EVL: variants seen among roughly 807,000 people sequenced by gnomAD.
The protein encoded by EVL is ena/VASP-like protein.
In EVL, 21 loss-of-function variants were observed where a neutral mutation model predicts 59.6. That is an observed-to-expected ratio of 0.35 (90% CI 0.25 to 0.51). EVL has a LOEUF of 0.51. EVL is among the 20% of genes least tolerant of loss of function. The pLI, the probability that EVL is intolerant of heterozygous loss-of-function variation, is 0.97. For missense variants in EVL, 462 were observed against 546.6 expected, an observed-to-expected ratio of 0.85 and a Z score of 1.54; for synonymous variants, 198 against 203.5, an observed-to-expected ratio of 0.97 and a Z score of 0.23.
At chr14:100,124,005 T>C (rs1366670205) in intron 4 of EVL, among the ~76,000 whole-genome samples, 1 of 152,068 alleles carries the variant, frequency 6.6e-6, no homozygotes, top group African/African-American at 2.4e-5. Context: ...CTAGGGACCA[T>C]AGGAATGAAC....
intron 1 of EVL, among the ~76,000 whole-genome samples, chr14:100,083,436 A>G (rs1410548335): frequency 1.3e-5 from 2 of 150,810 alleles, no homozygotes. Context: ...CACAATCACA[A>G]TTCCCTCTTT....
Position 100,128,589 on chromosome 14 carries a change from GCCCCCC to G in EVL, c.561_566del (p.Pro190_Pro191del). ...CCGTCTCATGTAGTGGGCCTCCACC[GCCCCCC>G]CCACCCCCAGTCCCACCTCCACCCA... On this transcript the variant is annotated inframe_deletion, in exon 6 of 14. Coordinates refer to ENST00000392920, the MANE Select transcript of EVL (RefSeq NM_016337.3). The G allele has an allele frequency of 1.2e-6, 1 of 831,692 alleles. No homozygotes were observed. 51.5% of individuals were successfully genotyped at this position (831,692 alleles called of 1,614,324 possible).
intron 1 of EVL, among the ~76,000 whole-genome samples, chr14:100,034,908 T>C (rs2140223771): frequency 6.6e-6 from 1 of 152,296 alleles, no homozygotes; most frequent in Middle Eastern, 3.4e-3. Flanking sequence ...AAAAGTATGA[T>C]TATATATGCA....
intron 1 of EVL, chr14:100,066,472 A>G (rs1190958): frequency 0.77 from 117,264 of 152,160 alleles, 46,176 homozygotes; most frequent in Non-Finnish European, 0.85. Context: ...CTACACAGGC[A>G]CAGAAGCAGC....
intron 11 of EVL, 177 bp downstream of exon 11, chr14:100,137,979 G>A (rs553909793): frequency 1.1e-5 from 7 of 637,006 alleles, no homozygotes; most frequent in East Asian, 8.2e-5. Context: ...CAGCTGCTCC[G>A]TCTTTTCCCT....
Position 99,998,340 on chromosome 14 carries a change from T to C in EVL, c.5+26283T>C, listed in dbSNP as rs141308692. ...CACAACAAAATATTTATTATATGCA[T>C]AGTGGTGTTCCGGGTCTAAGATCTG... is the stretch of plus-strand genomic sequence containing the variant. On this transcript the variant is annotated intron_variant, in intron 1 of 13. Transcript: ENST00000402714. Among the ~76,000 whole-genome samples the C allele has an allele frequency of 3.9e-3, 587 of 152,258 alleles. 3 individuals are homozygous for C. The highest frequency in any genetic ancestry group is 0.014 in the African/African-American group (565 of 41,560).
intron 1 of EVL, among the ~76,000 whole-genome samples, chr14:99,973,276 C>T (rs2060747540): frequency 6.6e-6 from 1 of 152,194 alleles, no homozygotes; most frequent in Admixed American, 6.5e-5. Flanking sequence ...TGTTGCTTCA[C>T]CTCCTTCTCA....
At position 99,976,472 on chromosome 14, in the gene EVL, T is replaced by G. The variant is rs566459311; in HGVS notation, c.5+4415T>G. 9.8e-5 allele frequency among the ~76,000 whole-genome samples: 15 copies of G among 152,324 alleles called. No homozygotes were observed. In the South Asian group the frequency reaches 3.1e-3, roughly 32 times the overall value. On this transcript the variant is annotated intron_variant, in intron 1 of 13. Coordinates refer to the EVL transcript ENST00000402714. ...AAGTCCATGTTCAATTATGGCAATC[T>G]GTTAGTTGTTTCCAGTGTCTGTTTC...
In EVL at chr14:100,141,911, G is replaced by A. The variant is rs998620871; in HGVS notation, c.1219+118G>A. 14 of 724,100 alleles carry A rather than the reference G, an allele frequency of 1.9e-5. No homozygotes were observed. The African/African-American group carries it at 2.5e-4, about 13-fold the overall frequency. 44.9% of individuals were successfully genotyped at this position (724,100 alleles called of 1,614,324 possible). On this transcript the variant is annotated intron_variant, in intron 13 of 13. Coordinates refer to ENST00000392920, the MANE Select transcript of EVL (RefSeq NM_016337.3). Reference sequence around the variant, plus strand: ...TGGAGCCCATACTGCACTGGGCCCTGTGAGAGATTTCATTCTTACCATCTC... The same window carrying A: ...TGGAGCCCATACTGCACTGGGCCCTATGAGAGATTTCATTCTTACCATCTC...
chr14:100,028,114 A>T, intron 1 of EVL, among the ~76,000 whole-genome samples: 1 of 133,666 alleles, frequency 7.5e-6, no homozygotes. Flanking sequence ...TTCTACTTTT[A>T]GTTGTTTTTT....
In EVL at chr14:100,138,157, C is replaced by T. The variant is rs1202719919; in HGVS notation, c.1094+355C>T. Reference sequence around the variant, plus strand: ...CCCCACAAAGTGAGGTCTGTTAACCCCTGCTGCACAGGGTGGTGGTGGGGA... The same window carrying T: ...CCCCACAAAGTGAGGTCTGTTAACCTCTGCTGCACAGGGTGGTGGTGGGGA... On this transcript the variant is annotated intron_variant, in intron 11 of 13. Coordinates refer to ENST00000392920, the MANE Select transcript of EVL (RefSeq NM_016337.3). 5 of 372,980 alleles carry T rather than the reference C, an allele frequency of 1.3e-5. 1 individual carries two copies. The highest frequency in any genetic ancestry group is 8.8e-5 in the South Asian group (3 of 34,102). The allele number at this position is 372,980 out of a possible 1,614,324, so 23.1% of individuals were successfully genotyped here.
At chr14:100,054,770 CTCT>C (rs553909110) in intron 1 of EVL, among the ~76,000 whole-genome samples, 16 of 152,134 alleles carry the variant, frequency 1.1e-4, no homozygotes, top group South Asian at 2.1e-4. Context: ...TGTGCTGTGC[CTCT>C]TATTTTGTGG....
At chr14:100,053,788 A>G (rs1283197697) in intron 1 of EVL, among the ~76,000 whole-genome samples, 2 of 152,164 alleles carry the variant, frequency 1.3e-5, no homozygotes, top group African/African-American at 4.8e-5. Context: ...AGCTGGGACT[A>G]TAGGCACATG....
At chr14:100,078,145 T>C (rs972518162) in intron 1 of EVL, among the ~76,000 whole-genome samples, 2 of 152,230 alleles carry the variant, frequency 1.3e-5, no homozygotes, top group Admixed American at 6.5e-5. Flanking sequence ...ACGTTGGTTT[T>C]AAAATCTGTT....
At chr14:100,033,851 G>A (rs2061348999) in intron 1 of EVL, among the ~76,000 whole-genome samples, 1 of 152,180 alleles carries the variant, frequency 6.6e-6, no homozygotes, top group Non-Finnish European at 1.5e-5. Flanking sequence ...TCTGGAACCT[G>A]TGTTTTGACT....
intron 3 of EVL, chr14:100,107,105 C>T (rs1425122729): frequency 1.3e-5 from 5 of 398,634 alleles, no homozygotes; most frequent in Non-Finnish European, 2.2e-5. Context: ...ATGCCCGGTG[C>T]CTGGTATGTG....
At chr14:100,040,957 A>G (rs924925321) in intron 1 of EVL, among the ~76,000 whole-genome samples, 10 of 152,202 alleles carry the variant, frequency 6.6e-5, no homozygotes, top group African/African-American at 2.4e-5. Flanking sequence ...GAGGCTAAAG[A>G]CACTCCATTT....
At chr14:100,115,502 C>T (rs1887281980) in intron 3 of EVL, among the ~76,000 whole-genome samples, 1 of 152,258 alleles carries the variant, frequency 6.6e-6, no homozygotes, top group South Asian at 2.1e-4. Flanking sequence ...TGGCCCTGGT[C>T]AGTCCCCCAC....
rs2061425672 is a variant in EVL at position 100,038,774 on chromosome 14, GTGTGT to G, written c.6-45912_6-45908del. On this transcript the variant is annotated intron_variant, in intron 1 of 13. Coordinates refer to the EVL transcript ENST00000402714. ...TACCCTGTGTGCTGTGCCCTGGGGT[GTGTGT>G]GTGTGTGTGTGTGTGTGTGTGTGTG... Among the ~76,000 whole-genome samples, 20 of 149,602 alleles carry G rather than the reference GTGTGT, an allele frequency of 1.3e-4. No individual in the cohort carries two copies. The South Asian group carries it at 4.3e-3, about 32-fold the overall frequency.
Sources: gnomAD v4.1 joint callset for allele counts (sites outside exome capture counted in the v4.1 genomes callset) on GRCh38, gnomAD v4.1.1 for gene constraint, MANE v1.5 for transcripts, NCBI Gene and HGNC (gene_info 2026-07-23, HGNC 2026-07-21) for gene names.